RCBTB1: variants seen among roughly 807,000 people sequenced by gnomAD.
RCBTB1 encodes RCC1 and BTB domain containing protein 1, also known as RCC1 and BTB domain-containing protein 1.
A neutral mutation model predicts 62.4 loss-of-function variants in RCBTB1; 46 were observed. The observed-to-expected ratio is 0.74, with a 90% CI of 0.58 to 0.94. RCBTB1 has a LOEUF of 0.94. Ranked by LOEUF, RCBTB1 falls within the 40% of genes least tolerant of loss-of-function variation. RCBTB1 has a pLI of 0.00. For synonymous variants in RCBTB1, 222 were observed against 245.8 expected, an observed-to-expected ratio of 0.90 and a Z score of 0.91; for missense variants, 565 against 654.9, an observed-to-expected ratio of 0.86 and a Z score of 1.50.
In RCBTB1 at chr13:49,566,638, T is replaced by C. The variant is rs1473598302; in HGVS notation, c.257A>G (p.His86Arg). Residue 86 changes from histidine (H) to arginine (R), a missense_variant, in exon 4 of 13, where the codon CAT (histidine) becomes CGT (arginine). Physicochemically the swap from His to Arg is conservative, Grantham distance 29 (BLOSUM62 0). Transcript: ENST00000378302. ...CTTACCTTCGGTGCTGAGAAGAACA[T>C]GTGGTCCACTCCCGTAACTGAGGCT... ...IKSLSYGSGP[H>R]VLLSTEDGVV... The C allele has an allele frequency of 6.2e-7, 1 of 1,613,664 alleles. No homozygotes were observed. Among genetic ancestry groups the C allele is most frequent in the Admixed American group, 1.7e-5 (1 of 59,866 alleles).
intron 4 of RCBTB1, among the ~76,000 whole-genome samples, chr13:49,565,763 G>A (rs867579796): frequency 2.2e-4 from 34 of 152,278 alleles, no homozygotes; most frequent in Middle Eastern, 3.4e-3. Flanking sequence ...TCTGGGAGGT[G>A]TACCCAACAG....
At chr13:49,551,152 A>G (rs1257050400) in intron 8 of RCBTB1, 174 bp downstream of exon 8, 7 of 509,594 alleles carry the variant, frequency 1.4e-5, no homozygotes, top group Non-Finnish European at 1.9e-5. Context: ...GGAAGGGGGA[A>G]GCAGGGAGGG....
At chr13:49,537,047 A>C (rs865902391) in intron 12 of RCBTB1, among the ~76,000 whole-genome samples, 12 of 152,194 alleles carry the variant, frequency 7.9e-5, no homozygotes, top group African/African-American at 2.2e-4. Context: ...GCCGCCTCTA[A>C]GGGAGTTCTT....
At chr13:49,554,983 C>T (rs535492499) in intron 6 of RCBTB1, among the ~76,000 whole-genome samples, 1 of 152,278 alleles carries the variant, frequency 6.6e-6, no homozygotes, top group South Asian at 2.1e-4. Flanking sequence ...AGACTAATTT[C>T]ACAGAAATAA....
In RCBTB1 at chr13:49,566,707, A is replaced by G. The variant is rs1249911392; in HGVS notation, c.188T>C (p.Leu63Pro). ...TAAGCCTTCTAGCTTTTTGGGTACA[A>G]GTGTACTCTGGTTATCTCCAGTTCC... is the stretch of plus-strand genomic sequence containing the variant. ...CLGTGDNQST[L>P]VPKKLEGLCG... Residue 63 changes from leucine to proline, a missense_variant, in exon 4 of 13, where the codon CTT becomes CCT. Physicochemically the swap from Leu to Pro is moderately conservative, Grantham distance 98. Transcript: ENST00000378302. The G allele has an allele frequency of 1.2e-6, 2 of 1,614,014 alleles. No individual in the cohort carries two copies. The highest frequency in any genetic ancestry group is 1.7e-6 in the Non-Finnish European group (2 of 1,179,882).
intron 12 of RCBTB1, among the ~76,000 whole-genome samples, chr13:49,540,308 G>C (rs1463129745): frequency 6.6e-6 from 1 of 152,124 alleles, no homozygotes; most frequent in African/African-American, 2.4e-5. Flanking sequence ...CAAACTTTCA[G>C]ACTCCCCAAA....
At chr13:49,547,204 A>G (rs1430693248) in intron 9 of RCBTB1, 2 of 1,228,756 alleles carry the variant, frequency 1.6e-6, no homozygotes, top group Admixed American at 5.0e-5. Flanking sequence ...TATTATACCT[A>G]AAGAACATGG....
intron 2 of RCBTB1, among the ~76,000 whole-genome samples, chr13:49,577,013 C>T (rs1963830655): frequency 6.6e-6 from 1 of 152,234 alleles, no homozygotes; most frequent in African/African-American, 2.4e-5. Context: ...ATCCCCACTG[C>T]ACTTATCCTA....
At chr13:49,555,723 C>T in intron 5 of RCBTB1, 50 bp from the exon 6 acceptor site, 1 of 1,324,362 alleles carries the variant, frequency 7.6e-7, no homozygotes, top group South Asian at 1.4e-5. Flanking sequence ...GGTGAAAATT[C>T]TACCCCAACA....
At chr13:49,573,296 T>C (rs926613629) in intron 2 of RCBTB1, among the ~76,000 whole-genome samples, 1 of 152,192 alleles carries the variant, frequency 6.6e-6, no homozygotes, top group African/African-American at 2.4e-5. Context: ...TCATTTTCTT[T>C]CTTTGTATTT....
At chr13:49,536,926 T>C (rs992456127) in intron 12 of RCBTB1, among the ~76,000 whole-genome samples, 1 of 152,220 alleles carries the variant, frequency 6.6e-6, no homozygotes, top group African/African-American at 2.4e-5. Context: ...TCCAATTCAA[T>C]ATATATACTC....
In RCBTB1 at chr13:49,549,440, G is replaced by T. The variant is rs911518201; in HGVS notation, c.1045+18C>A. On this transcript the variant is annotated intron_variant, in intron 9 of 12. Coordinates refer to ENST00000378302, the MANE Select transcript of RCBTB1 (RefSeq NM_018191.4). ...AGTACCATTCTTCCTGGGTGGAGGT[G>T]GCCCTGCACTTTCTTACCCACAGAC... The T allele has an allele frequency of 1.3e-6, 2 of 1,592,416 alleles. No homozygotes were observed. Among genetic ancestry groups the T allele is most frequent in the African/African-American group, 2.7e-5 (2 of 74,256 alleles).
At chr13:49,540,788 T>C (rs1960283244) in intron 12 of RCBTB1, 88 bp downstream of exon 12, 3 of 1,429,560 alleles carry the variant, frequency 2.1e-6, no homozygotes, top group Admixed American at 2.1e-5. Flanking sequence ...GAGTGACTCA[T>C]CGTTTTCCAT....
chr13:49,534,843 G>C (rs1296944250), intron 12 of RCBTB1, among the ~76,000 whole-genome samples: 1 of 152,132 alleles, frequency 6.6e-6, no homozygotes, highest in Admixed American at 6.5e-5. Context: ...AGACCAGCCT[G>C]GCCAACATAG....
In RCBTB1 at chr13:49,535,198, A is replaced by G. The variant is rs372029476; in HGVS notation, c.1456-936T>C. Among the ~76,000 whole-genome samples, 105 of 152,312 alleles carry G rather than the reference A, an allele frequency of 6.9e-4. 3 individuals carry two copies. The South Asian group carries it at 0.021, about 31-fold the overall frequency. ...TACACAGGTTAGTTTTCAGTCAAAC[A>G]GAAGTCACCAACTACCAACATTCAG... On this transcript the variant is annotated intron_variant, in intron 12 of 12. Coordinates refer to ENST00000378302, the MANE Select transcript of RCBTB1 (RefSeq NM_018191.4).
chr13:49,569,071 G>A (rs962292750), intron 2 of RCBTB1, among the ~76,000 whole-genome samples: 1 of 152,158 alleles, frequency 6.6e-6, no homozygotes, highest in Non-Finnish European at 1.5e-5. Flanking sequence ...GAGAAAAAGA[G>A]ATTTTAAGAA....
chr13:49,552,675 G>A (rs1961483147), intron 6 of RCBTB1, among the ~76,000 whole-genome samples: 2 of 152,116 alleles, frequency 1.3e-5, no homozygotes, highest in Admixed American at 6.5e-5. Flanking sequence ...GCTACAATAG[G>A]TATAATCAAG....
Position 49,555,501 on chromosome 13 carries a change from T to G in RCBTB1, c.603+14A>C. Reference sequence around the variant, plus strand: ...AAGAAGGTAGAAAGGGAAATGGGAGTGGAGACACCTCACCTCGCCATTGTC... The same window carrying G: ...AAGAAGGTAGAAAGGGAAATGGGAGGGGAGACACCTCACCTCGCCATTGTC... On this transcript the variant is annotated intron_variant, in intron 6 of 12. Transcript: ENST00000378302. 6.2e-7 allele frequency: 1 copy of G among 1,609,212 alleles called. No individual in the cohort carries two copies. Among genetic ancestry groups the G allele is most frequent in the Admixed American group, 1.7e-5 (1 of 59,978 alleles).
rs1392255179 is a variant in RCBTB1 at position 49,531,946 on chromosome 13, C to T, written c.*2176G>A. 1 of 152,436 alleles carries T rather than the reference C, an allele frequency of 6.6e-6. No homozygotes were observed. Among genetic ancestry groups the T allele is most frequent in the Non-Finnish European group, 1.5e-5 (1 of 68,032 alleles). 9.4% of individuals were successfully genotyped at this position (152,436 alleles called of 1,614,324 possible). A position where few individuals can be genotyped will look rare whatever the true frequency, so the allele number is the denominator to read the frequency against. On this transcript the variant is annotated 3_prime_UTR_variant, in exon 13 of 13. Transcript: ENST00000378302. Reference sequence around the variant, plus strand: ...TGAAGGAAAAAAACAACTCTATGTGCCTGTTTTAATGTTACTTTGTTTATT... The same window carrying T: ...TGAAGGAAAAAAACAACTCTATGTGTCTGTTTTAATGTTACTTTGTTTATT...
Sources: allele counts gnomAD v4.1 joint callset (sites outside exome capture counted in the v4.1 genomes callset), GRCh38; gene constraint gnomAD v4.1.1; transcripts MANE v1.5; gene names NCBI Gene and HGNC (gene_info 2026-07-23, HGNC 2026-07-21).